Variants in PTPN14 observed in about 807,000 individuals in gnomAD.
The protein encoded by PTPN14 is tyrosine-protein phosphatase non-receptor type 14.
A neutral mutation model predicts 126.8 loss-of-function variants in PTPN14; 53 were observed. That is an observed-to-expected ratio of 0.42 (90% CI 0.34 to 0.53). PTPN14 has a LOEUF of 0.53. Ranked by LOEUF, PTPN14 falls within the 20% of genes least tolerant of loss-of-function variation. The probability of loss-of-function intolerance (pLI) is 0.08; values close to 1 mark genes in which losing one functional copy is unlikely to be tolerated. For missense variants in PTPN14, 1,257 were observed against 1,552.9 expected (o/e 0.81, Z 3.20); for synonymous variants, 630 against 599.3 (o/e 1.05, Z -0.75).
chr1:214,493,736 C>T (rs1480213005), intron 1 of PTPN14, among the ~76,000 whole-genome samples: 3 of 152,038 alleles, frequency 2.0e-5, no homozygotes, highest in Non-Finnish European at 4.4e-5. Flanking sequence ...ACTTTATATG[C>T]AAGACTCGTA....
chr1:214,531,281 A>G (rs1306515935), intron 1 of PTPN14: 2 of 152,148 alleles, frequency 1.3e-5, no homozygotes, highest in Non-Finnish European at 2.9e-5. Flanking sequence ...TGCTTCACAC[A>G]TCAACTTGCT....
chr1:214,543,615 T>C (rs1655895195), intron 1 of PTPN14, among the ~76,000 whole-genome samples: 1 of 152,124 alleles, frequency 6.6e-6, no homozygotes, highest in Admixed American at 6.5e-5. Flanking sequence ...CAGAAATGCA[T>C]TCATTCACTG....
At chr1:214,438,996 A>G (rs1659980131) in intron 3 of PTPN14, among the ~76,000 whole-genome samples, 1 of 152,216 alleles carries the variant, frequency 6.6e-6, no homozygotes, top group Non-Finnish European at 1.5e-5. Flanking sequence ...CTGACCAAGA[A>G]ACAAACACCA....
At chr1:214,517,611 A>T (rs1655141453) in intron 1 of PTPN14, among the ~76,000 whole-genome samples, 1 of 152,182 alleles carries the variant, frequency 6.6e-6, no homozygotes, top group Non-Finnish European at 1.5e-5. Context: ...TTCTGAGATG[A>T]CATGGAAAGA....
chr1:214,415,201 TAC>T (rs376127313), intron 3 of PTPN14, among the ~76,000 whole-genome samples: 1,854 of 152,256 alleles, frequency 0.012, 46 homozygotes, highest in African/African-American at 0.042. Flanking sequence ...AAAAATCAAA[TAC>T]AGTTTTCACC....
intron 1 of PTPN14, among the ~76,000 whole-genome samples, chr1:214,503,985 TAGTC>T (rs746732415): frequency 6.6e-6 from 1 of 152,132 alleles, no homozygotes; most frequent in Non-Finnish European, 1.5e-5. Context: ...GTGTGAGAAA[TAGTC>T]AGGAAACTTG....
intron 1 of PTPN14, among the ~76,000 whole-genome samples, chr1:214,520,065 A>AAAAAAAAAAAAAAAAATATATATAT: frequency 1.8e-4 from 13 of 71,094 alleles, no homozygotes; most frequent in Non-Finnish European, 2.9e-4. Flanking sequence ...AAAAAAAAAA[A>AAAAAAAAAAAAAAAAATATATATAT]ATATATATAT....
intron 1 of PTPN14, among the ~76,000 whole-genome samples, chr1:214,534,177 T>C (rs1655636467): frequency 6.6e-6 from 1 of 152,218 alleles, no homozygotes; most frequent in Non-Finnish European, 1.5e-5. Flanking sequence ...ATGATGCTGC[T>C]ATAAGCTGAT....
At position 214,369,909 on chromosome 1, in the gene PTPN14, T is replaced by A. The variant is rs1255676121; in HGVS notation, c.3037-218A>T. Reference sequence around the variant, plus strand: ...TACATCAATGGAAAATTTAAAAGATTCACAACCGAGGTGCAGTAGAATGTT... The same window carrying A: ...TACATCAATGGAAAATTTAAAAGATACACAACCGAGGTGCAGTAGAATGTT... On this transcript the variant is annotated intron_variant, in intron 16 of 18. Coordinates refer to ENST00000366956, the MANE Select transcript of PTPN14 (RefSeq NM_005401.5). 2.0e-5 allele frequency among the ~76,000 whole-genome samples: 3 copies of A among 152,158 alleles called. No individual in the cohort carries two copies. The East Asian group carries it at 5.8e-4, about 29-fold the overall frequency.
intron 1 of PTPN14, among the ~76,000 whole-genome samples, chr1:214,536,143 A>G (rs1655698117): frequency 9.0e-6 from 1 of 110,856 alleles, no homozygotes. Context: ...TAATCCCAGA[A>G]TTTTGGAAGG....
At chr1:214,490,861 AGGGG>A in intron 1 of PTPN14, among the ~76,000 whole-genome samples, 1 of 8,212 alleles carries the variant, frequency 1.2e-4, no homozygotes, top group African/African-American at 8.1e-4. Flanking sequence ...AAGGGAAGGG[AGGGG>A]AGGGGAGGGG....
chr1:214,496,939 G>GA (rs56737686), intron 1 of PTPN14, among the ~76,000 whole-genome samples: 13,907 of 151,616 alleles, frequency 0.092, 2,087 homozygotes, highest in African/African-American at 0.31. Context: ...AAAAGTGCTA[G>GA]AAAAAAAACA....
intron 18 of PTPN14, among the ~76,000 whole-genome samples, chr1:214,362,285 G>C (rs1657974023): frequency 6.6e-6 from 1 of 152,206 alleles, no homozygotes. Context: ...CTATATTTGT[G>C]CTAGGGGAAG....
chr1:214,425,354 C>A lies in PTPN14; in HGVS notation c.345-10628G>T, dbSNP rs930132302. On this transcript the variant is annotated intron_variant, in intron 3 of 18. Transcript: ENST00000366956. Reference sequence around the variant, plus strand: ...AAAGAAAAAAACAAAATCACCTACACTCTAGGTATTACATAATATAAAGCC... The same window carrying A: ...AAAGAAAAAAACAAAATCACCTACAATCTAGGTATTACATAATATAAAGCC... Among the ~76,000 whole-genome samples, 11 of 152,186 alleles carry A rather than the reference C, an allele frequency of 7.2e-5. No homozygotes were observed. The East Asian group carries it at 9.6e-4, about 13-fold the overall frequency.
chr1:214,377,913 C>T (rs1658379604), intron 14 of PTPN14, 46 bp downstream of exon 14: 9 of 1,581,904 alleles, frequency 5.7e-6, no homozygotes, highest in Non-Finnish European at 6.9e-6. Flanking sequence ...GTTTTGGGAT[C>T]CTAAGACTAC....
rs1229153775 is a variant in PTPN14 at position 214,376,340 on chromosome 1, G to A, written c.2786C>T (p.Ala929Val). ...KKANGIFSTA[A>V]LPENAERSRI... ...GCTGCGCTCGGCGTTTTCTGGCAGAGCTGCTGTGCTGAAAATGCCATTCGC... is the reference window on the plus strand; with the variant it reads ...GCTGCGCTCGGCGTTTTCTGGCAGAACTGCTGTGCTGAAAATGCCATTCGC... The change falls in exon 15 of 19, where the codon GCT becomes GTT. Residue 929 changes from alanine to valine, a missense_variant. Physicochemically the swap from Ala to Val is moderately conservative, Grantham distance 64. Coordinates refer to ENST00000366956, the MANE Select transcript of PTPN14 (RefSeq NM_005401.5). The A allele has an allele frequency of 4.3e-6, 7 of 1,614,014 alleles. No individual in the cohort carries two copies. The African/African-American group carries it at 5.3e-5, about 12-fold the overall frequency.
intron 1 of PTPN14, among the ~76,000 whole-genome samples, chr1:214,514,678 C>T (rs1048912432): frequency 6.6e-6 from 1 of 152,138 alleles, no homozygotes; most frequent in African/African-American, 2.4e-5. Flanking sequence ...GAAAATAATA[C>T]TGAGGATGTG....
At chr1:214,387,461 T>C (rs973842300) in intron 11 of PTPN14, among the ~76,000 whole-genome samples, 2 of 152,012 alleles carry the variant, frequency 1.3e-5, no homozygotes, top group African/African-American at 4.8e-5. Flanking sequence ...CAGTGAGCCA[T>C]GATCGTGCCA....
Position 214,477,274 on chromosome 1 carries a change from C to T in PTPN14, c.-154-12317G>A, listed in dbSNP as rs74142711. On this transcript the variant is annotated intron_variant, in intron 1 of 18. Coordinates refer to ENST00000366956, the MANE Select transcript of PTPN14 (RefSeq NM_005401.5). ...AGTTGTATAATCCCAACTGATGTAA[C>T]CAAATGTTAATTACTAACAGGGAAA... Among the ~76,000 whole-genome samples, 1,026 of 152,244 alleles carry T rather than the reference C, an allele frequency of 6.7e-3. 13 individuals are homozygous for T. Among genetic ancestry groups the T allele is most frequent in the African/African-American group, 0.023 (970 of 41,542 alleles).
Sources: allele counts gnomAD v4.1 joint callset (sites outside exome capture counted in the v4.1 genomes callset), GRCh38; gene constraint gnomAD v4.1.1; transcripts MANE v1.5; gene names NCBI Gene and HGNC (gene_info 2026-07-23, HGNC 2026-07-21).